Variants in CNTNAP1 observed in about 807,000 individuals in gnomAD.
CNTNAP1 encodes contactin-associated protein 1.
Under a neutral mutation model 161.5 loss-of-function variants are expected in CNTNAP1, and 80 were observed. That is an observed-to-expected ratio of 0.50 (90% CI 0.41 to 0.60). The LOEUF (loss-of-function observed/expected upper bound fraction) is 0.60, where lower values mean the gene tolerates loss of function less well. Among genes scored for constraint, CNTNAP1 ranks in the 20% least tolerant of loss-of-function variants. The pLI, the probability that CNTNAP1 is intolerant of heterozygous loss-of-function variation, is 0.00. For missense variants in CNTNAP1, 1,464 were observed against 1,854.8 expected, an observed-to-expected ratio of 0.79 and a Z score of 3.87; for synonymous variants, 695 against 733.1, an observed-to-expected ratio of 0.95 and a Z score of 0.84.
intron 8 of CNTNAP1, 80 bp downstream of exon 8, chr17:42,688,061 C>A: frequency 6.5e-7 from 1 of 1,531,144 alleles, no homozygotes; most frequent in East Asian, 2.3e-5. Flanking sequence ...TGGACTGAGG[C>A]CTTTACATTC....
rs1333011065 is a variant in CNTNAP1 at position 42,698,845 on chromosome 17, G to T, written c.4090G>T (p.Ala1364Ser). 2 of 1,508,898 alleles carry T rather than the reference G, an allele frequency of 1.3e-6. No homozygotes were observed. The highest frequency in any genetic ancestry group is 3.6e-5 in the Admixed American group (2 of 55,792). 93.5% of individuals were successfully genotyped at this position (1,508,898 alleles called of 1,614,324 possible). ...AGCCCCAGCCCCAGCCCCAACTCCA[G>T]CCCCAGCCCCTGGCCCCCGGGATCA... is the stretch of plus-strand genomic sequence containing the variant. ...ASAPAPAPTP[A>S]PAPGPRDQNL... Residue 1364 changes from alanine (A) to serine (S), a missense_variant, in exon 24 of 24, where the codon GCC becomes TCC. By Grantham distance (99) the Ala-to-Ser change is moderately conservative. Around this residue, in one of 3 missense-constraint regions of CNTNAP1, gnomAD observed 1,383 missense variants for 1,765.0 expected, o/e 0.78. Transcript: ENST00000264638.
At chr17:42,683,224 GT>G in intron 1 of CNTNAP1, 1 of 537,152 alleles carries the variant, frequency 1.9e-6, no homozygotes, top group Non-Finnish European at 2.9e-6. Context: ...TAGGATTAAG[GT>G]TTTGCCAGGG....
In CNTNAP1 at chr17:42,691,856, C is replaced by A; in HGVS notation, c.2395C>A (p.Pro799Thr). Reference protein sequence around the residue: ...SFHTGAALRFPPIRANHSLDV... With the variant: ...SFHTGAALRFTPIRANHSLDV... The stretch of plus-strand genomic sequence containing the variant: ...CCACACCGGGGCTGCACTACGCTTC[C>A]CCCCAATCCGTGCCAACCACAGCCT... The change falls in exon 16 of 24, where the codon CCC becomes ACC. Residue 799 changes from proline (P) to threonine (T), a missense_variant. This residue lies in a region of CNTNAP1 where 1,383 missense variants were observed against 1,765.0 expected (regional missense o/e 0.78). Transcript: ENST00000264638. The surrounding 1 kb of genome is among the most constrained non-coding windows in gnomAD (Gnocchi z 4.3). 6.2e-7 allele frequency: 1 copy of A among 1,614,148 alleles called. No homozygotes were observed. Among genetic ancestry groups the A allele is most frequent in the Non-Finnish European group, 8.5e-7 (1 of 1,180,024 alleles).
At position 42,685,348 on chromosome 17, in the gene CNTNAP1, GCCGAGGGCGCC is replaced by G. The variant is rs1567969841; in HGVS notation, c.645_655del (p.Glu216GlyfsTer41). On this transcript the variant is annotated frameshift_variant, in exon 5 of 24. Transcript: ENST00000264638. LOFTEE classifies it high-confidence loss of function. This position sits in a 1 kb window ranked among gnomAD's most constrained non-coding sequence, Gnocchi z 5.0. ...GGAGAAGGACGGTCTTCTGCTGCACGCCGAGGGCGCCCAGGGCGACTACGTGACGCTCGAGC... is the reference window on the plus strand; with the variant it reads ...GGAGAAGGACGGTCTTCTGCTGCACGCAGGGCGACTACGTGACGCTCGAGC... 1 of 1,610,052 alleles carries G rather than the reference GCCGAGGGCGCC, an allele frequency of 6.2e-7. No homozygotes were observed. The highest frequency in any genetic ancestry group is 1.1e-5 in the South Asian group (1 of 91,082).
intron 8 of CNTNAP1, 131 bp from the exon 9 acceptor site, chr17:42,688,331 T>C: frequency 1.7e-6 from 2 of 1,210,826 alleles, no homozygotes; most frequent in East Asian, 4.7e-5. Flanking sequence ...CCACTGGGTG[T>C]GAGAAGTGTA....
chr17:42,686,469 GT>G lies in CNTNAP1; in HGVS notation c.900+352del, dbSNP rs748366958. Among the ~76,000 whole-genome samples the G allele has an allele frequency of 9.5e-3, 679 of 71,398 alleles. 5 individuals carry two copies. Among genetic ancestry groups the G allele is most frequent in the African/African-American group, 0.029 (514 of 17,452 alleles). The allele number at this position is 71,398 out of a possible 152,430, so 46.8% of individuals were successfully genotyped here. ...CTTGCCACTCACCAGAAAAAGGCCT[GT>G]TTTTTTTTTTTTTTTTTTTTTTTGT... On this transcript the variant is annotated intron_variant, in intron 6 of 23. Transcript: ENST00000264638.
chr17:42,695,898 C>T, intron 19 of CNTNAP1, 24 bp downstream of exon 19: 1 of 1,602,748 alleles, frequency 6.2e-7, no homozygotes, highest in Non-Finnish European at 8.5e-7. Flanking sequence ...GGCTCTCTCA[C>T]CCCACTCCAG....
chr17:42,698,718 G>C lies in CNTNAP1; in HGVS notation c.3963G>C (p.Lys1321Asn). ...YKGSYHTNEP[K>N]AAHEYHPGSK... ...GCTCCTACCATACCAATGAGCCCAA[G>C]GCTGCCCACGAGTACCATCCTGGCA... Residue 1321 changes from lysine to asparagine, a missense_variant, in exon 24 of 24, where the codon AAG (lysine) becomes AAC (asparagine). Lys to Asn is a moderately conservative substitution (Grantham distance 94). Transcript: ENST00000264638. 1 of 1,613,582 alleles carries C rather than the reference G, an allele frequency of 6.2e-7. No homozygotes were observed. Among genetic ancestry groups the C allele is most frequent in the Non-Finnish European group, 8.5e-7 (1 of 1,179,912 alleles).
chr17:42,687,577 G>A lies in CNTNAP1; in HGVS notation c.1045-143G>A, dbSNP rs1480012186. The stretch of plus-strand genomic sequence containing the variant: ...AGATGGACGAGCTTGGAGGGGAAGA[G>A]GTCACGTCATGGTTGGAGATCTCAC... On this transcript the variant is annotated intron_variant, in intron 7 of 23. Coordinates refer to ENST00000264638, the MANE Select transcript of CNTNAP1 (RefSeq NM_003632.3). This position sits in a 1 kb window ranked among gnomAD's most constrained non-coding sequence, Gnocchi z 4.7. 1 of 1,108,374 alleles carries A rather than the reference G, an allele frequency of 9.0e-7. No individual in the cohort carries two copies. Among genetic ancestry groups the A allele is most frequent in the Non-Finnish European group, 1.3e-6 (1 of 767,372 alleles). The allele number at this position is 1,108,374 out of a possible 1,614,324, so 68.7% of individuals were successfully genotyped here. A position where few individuals can be genotyped will look rare whatever the true frequency, so the allele number is the denominator to read the frequency against.
Position 42,688,344 on chromosome 17 carries a change from C to T in CNTNAP1, c.1307-118C>T, listed in dbSNP as rs2053044132. 2.2e-6 allele frequency: 3 copies of T among 1,360,218 alleles called. No individual in the cohort carries two copies. The Admixed American group carries it at 5.2e-5, about 24-fold the overall frequency. The allele number at this position is 1,360,218 out of a possible 1,614,324, so 84.3% of individuals were successfully genotyped here. A position where few individuals can be genotyped will look rare whatever the true frequency, so the allele number is the denominator to read the frequency against. ...CTCCACTGGGTGTGAGAAGTGTAAT[C>T]ACGGGGGCACACAGGCTGCTACTGG... On this transcript the variant is annotated intron_variant, in intron 8 of 23. Transcript: ENST00000264638.
Position 42,682,824 on chromosome 17 carries a change from C to T in CNTNAP1, c.-6C>T. On this transcript the variant is annotated 5_prime_UTR_variant, in exon 1 of 24. Transcript: ENST00000264638. The stretch of plus-strand genomic sequence containing the variant: ...GGGAGGCGGCTGCCGGGACCGTCAG[C>T]CCTGCATGATGCATCTCCGGCTCTT... 6.4e-7 allele frequency: 1 copy of T among 1,570,480 alleles called. No individual in the cohort carries two copies.
intron 9 of CNTNAP1, 68 bp from the exon 10 acceptor site, chr17:42,688,808 A>G (rs2143658260): frequency 6.3e-7 from 1 of 1,581,090 alleles, no homozygotes; most frequent in Admixed American, 1.7e-5. Context: ...GCTCCCCCTC[A>G]GCATGTCCCT....
At chr17:42,693,169 C>T (rs1402487013) in intron 17 of CNTNAP1, 128 bp from the exon 18 acceptor site, 5 of 1,117,066 alleles carry the variant, frequency 4.5e-6, no homozygotes, top group Non-Finnish European at 3.9e-6. Flanking sequence ...TCATGTTAGC[C>T]AGGATGGTCT....
In CNTNAP1 at chr17:42,687,061, G is replaced by A. The variant is rs1452899535; in HGVS notation, c.1044+15G>A. 2 of 1,605,282 alleles carry A rather than the reference G, an allele frequency of 1.2e-6. No homozygotes were observed. The highest frequency in any genetic ancestry group is 1.1e-5 in the South Asian group (1 of 90,870). On this transcript the variant is annotated intron_variant, in intron 7 of 23. Transcript: ENST00000264638. The surrounding 1 kb of genome is among the most constrained non-coding windows in gnomAD (Gnocchi z 4.7). ...TCACCTTCGAGGCCAGTGGGCAGGG[G>A]GGTCTGGGAGGACAGGATATCAAAG...
At chr17:42,683,998 A>G in intron 2 of CNTNAP1, 38 bp from the exon 3 acceptor site, 7 of 1,613,362 alleles carry the variant, frequency 4.3e-6, no homozygotes, top group Non-Finnish European at 5.1e-6. Flanking sequence ...GACTTCGGGG[A>G]GAGGGATAGC....
chr17:42,692,579 A>C lies in CNTNAP1; in HGVS notation c.2611A>C (p.Asn871His). The change falls in exon 17 of 24, where the codon AAT becomes CAT. Residue 871 changes from asparagine to histidine, a missense_variant. By Grantham distance (68) the Asn-to-His change is moderately conservative. This residue lies in a region of CNTNAP1 where 1,383 missense variants were observed against 1,765.0 expected (regional missense o/e 0.78). Transcript: ENST00000264638. The part of the protein sequence containing the change: ...LTVHSDDFEF[N>H]DDEWHLVRAE... ...AGTACACTCAGACGACTTTGAGTTC[A>C]ATGATGACGAGTGGCACCTGGTCCG... 1.2e-6 allele frequency: 2 copies of C among 1,614,224 alleles called. No individual in the cohort carries two copies. Among genetic ancestry groups the C allele is most frequent in the Admixed American group, 1.7e-5 (1 of 60,028 alleles).
chr17:42,684,412 T>G (rs924632478), intron 3 of CNTNAP1, among the ~76,000 whole-genome samples, 183 bp downstream of exon 3: 1 of 152,180 alleles, frequency 6.6e-6, no homozygotes, highest in Admixed American at 6.5e-5. Context: ...AAACACTCGG[T>G]TCACAGGGTT....
At position 42,683,942 on chromosome 17, in the gene CNTNAP1, AGCTGCCAACTG is replaced by A; in HGVS notation, c.169+23_169+33del. 6.2e-7 allele frequency: 1 copy of A among 1,613,386 alleles called. No individual in the cohort carries two copies. The highest frequency in any genetic ancestry group is 2.2e-5 in the East Asian group (1 of 44,878). On this transcript the variant is annotated intron_variant, in intron 2 of 23. Transcript: ENST00000264638. ...TGCACGGTGAGCTCCGCGGAACATC[AGCTGCCAACTG>A]GCAGCGCACCGCGGAAGGGTGGGGG...
At chr17:42,689,472 C>A in intron 10 of CNTNAP1, 49 bp from the exon 11 acceptor site, 1 of 1,455,922 alleles carries the variant, frequency 6.9e-7, no homozygotes, top group Non-Finnish European at 9.6e-7. Context: ...AGACCCCACT[C>A]TCCAGCTCCC....
Sources: allele counts gnomAD v4.1 joint callset (sites outside exome capture counted in the v4.1 genomes callset), GRCh38; gene constraint gnomAD v4.1.1; regional missense constraint gnomAD v4.1.1; non-coding constraint Gnocchi (gnomAD v3.1); transcripts MANE v1.5; gene names NCBI Gene and HGNC (gene_info 2026-07-23, HGNC 2026-07-21).